The following CFAP161 variants were observed in gnomAD, a reference collection of about 807,000 sequenced individuals.
CFAP161 encodes the protein cilia- and flagella-associated protein 161.
CFAP161 carries 25 observed loss-of-function variants against 29.0 expected under a neutral mutation model. The observed-to-expected ratio is 0.86, with a 90% CI of 0.63 to 1.20. The LOEUF is 1.20. Ranked by LOEUF, CFAP161 falls within the 50% of genes most tolerant of loss-of-function variation. The pLI, the probability that CFAP161 is intolerant of heterozygous loss-of-function variation, is 0.00. For missense variants in CFAP161, 367 were observed against 371.9 expected (o/e 0.99, Z 0.11); for synonymous variants, 116 against 137.4 (o/e 0.84, Z 1.09).
At chr15:81,117,596 A>T (rs952401177) in intron 1 of CFAP161, 1 of 176,296 alleles carries the variant, frequency 5.7e-6, no homozygotes, top group African/African-American at 2.4e-5. Context: ...TAGTCCAAAC[A>T]ATACTGAACA....
chr15:81,122,968 T>C (rs1254252374), intron 1 of CFAP161, among the ~76,000 whole-genome samples: 3 of 152,136 alleles, frequency 2.0e-5, no homozygotes, highest in African/African-American at 7.2e-5. Context: ...GTTTGCAAAA[T>C]TTTTTCCCCA....
rs376596580 is a variant in CFAP161 at position 81,111,180 on chromosome 15, A to G, written c.-141-16410A>G. 5.9e-5 allele frequency among the ~76,000 whole-genome samples: 9 copies of G among 152,294 alleles called. No homozygotes were observed. In the East Asian group the frequency reaches 1.2e-3, roughly 20 times the overall value. On this transcript the variant is annotated intron_variant, in intron 1 of 4. Coordinates refer to the CFAP161 transcript ENST00000560091. The stretch of plus-strand genomic sequence containing the variant: ...GACCCTTCGGCAACACACCTTACAC[A>G]TGTAACTACTTGTTCAGAACAGTCT...
At chr15:81,104,883 C>T (rs983267741) in intron 1 of CFAP161, among the ~76,000 whole-genome samples, 6 of 151,888 alleles carry the variant, frequency 4.0e-5, no homozygotes, top group African/African-American at 1.5e-4. Flanking sequence ...AAGAAATTGC[C>T]ACAAACTTGG....
intron 1 of CFAP161, among the ~76,000 whole-genome samples, chr15:81,107,190 C>A (rs1191874386): frequency 6.6e-6 from 1 of 152,222 alleles, no homozygotes; most frequent in African/African-American, 2.4e-5. Flanking sequence ...TCAGACTTTT[C>A]ATAATAATAA....
At chr15:81,099,839 GT>G in intron 1 of CFAP161, among the ~76,000 whole-genome samples, 1 of 152,186 alleles carries the variant, frequency 6.6e-6, no homozygotes, top group African/African-American at 2.4e-5. Context: ...TTTTAAATCT[GT>G]TTTATTAGAC....
intron 4 of CFAP161, among the ~76,000 whole-genome samples, chr15:81,140,988 C>T (rs1894898596): frequency 6.6e-6 from 1 of 152,190 alleles, no homozygotes; most frequent in African/African-American, 2.4e-5. Context: ...GGCTAGTTGC[C>T]TCTCATTACA....
intron 4 of CFAP161, 74 bp downstream of exon 4, chr15:81,138,209 T>G: frequency 8.2e-7 from 1 of 1,220,046 alleles, no homozygotes; most frequent in Non-Finnish European, 1.2e-6. Flanking sequence ...AACTATCTAC[T>G]GAAGTGGACA....
chr15:81,135,228 A>AGT, intron 1 of CFAP161, 42 bp from the exon 2 acceptor site: 1 of 1,209,036 alleles, frequency 8.3e-7, no homozygotes, highest in Middle Eastern at 2.0e-4. Context: ...TAATACTAAC[A>AGT]TCTATATTAT....
At chr15:81,112,465 T>A (rs1894450260) in intron 1 of CFAP161, among the ~76,000 whole-genome samples, 1 of 152,186 alleles carries the variant, frequency 6.6e-6, no homozygotes, top group African/African-American at 2.4e-5. Flanking sequence ...ATAGAGCATG[T>A]TATATCTTTA....
chr15:81,114,133 G>A (rs1320114317), intron 1 of CFAP161, among the ~76,000 whole-genome samples: 1 of 152,084 alleles, frequency 6.6e-6, no homozygotes, highest in Non-Finnish European at 1.5e-5. Context: ...AATAGACAGA[G>A]CTGCTACAAC....
At chr15:81,137,597 G>T (rs976291909) in intron 3 of CFAP161, among the ~76,000 whole-genome samples, 2 of 152,082 alleles carry the variant, frequency 1.3e-5, no homozygotes, top group Non-Finnish European at 2.9e-5. Flanking sequence ...TATATAGACA[G>T]TTCTTCAAGT....
chr15:81,121,418 C>T (rs1894570893), intron 1 of CFAP161, among the ~76,000 whole-genome samples: 2 of 151,956 alleles, frequency 1.3e-5, no homozygotes, highest in Non-Finnish European at 2.9e-5. Context: ...TATTTTAAAA[C>T]AACCTTCAAA....
upstream of CFAP161, among the ~76,000 whole-genome samples, chr15:81,132,064 G>T (rs1308254760): frequency 1.3e-5 from 2 of 152,136 alleles, no homozygotes; most frequent in Admixed American, 6.6e-5. Context: ...ATCACTTGAG[G>T]TCAGGAGTTC....
chr15:81,100,699 TCTCTC>T (rs781349356), intron 1 of CFAP161, among the ~76,000 whole-genome samples: 46 of 98,434 alleles, frequency 4.7e-4, no homozygotes, highest in African/African-American at 7.5e-4. Flanking sequence ...TTCCTCTCTC[TCTCTC>T]TTTTTTTTTT....
intron 1 of CFAP161, among the ~76,000 whole-genome samples, chr15:81,101,447 A>G (rs1415329755): frequency 7.0e-6 from 1 of 142,984 alleles, no homozygotes; most frequent in Non-Finnish European, 1.5e-5. Context: ...TAATCACTTG[A>G]ACCCGGGAGG....
intron 4 of CFAP161, among the ~76,000 whole-genome samples, chr15:81,138,866 A>T (rs1299664997): frequency 6.6e-6 from 1 of 152,186 alleles, no homozygotes; most frequent in Non-Finnish European, 1.5e-5. Context: ...AGGCACCAAG[A>T]GGTTAAGTGA....
At chr15:81,134,190 G>C (rs764605965), upstream of CFAP161, 27 of 1,007,422 alleles carry the variant, frequency 2.7e-5, no homozygotes, top group Admixed American at 1.0e-4. Flanking sequence ...TCCCGCCCCA[G>C]GGCGAGGGTG....
intron 6 of CFAP161, 108 bp from the exon 7 acceptor site, chr15:81,148,230 T>C (rs996493954): frequency 8.9e-7 from 1 of 1,129,940 alleles, no homozygotes; most frequent in African/African-American, 1.6e-5. Context: ...CCTAGGGCTT[T>C]ATCTAGCAAT....
chr15:81,114,207 G>T (rs1894469755), intron 1 of CFAP161, among the ~76,000 whole-genome samples: 1 of 152,122 alleles, frequency 6.6e-6, no homozygotes, highest in Non-Finnish European at 1.5e-5. Flanking sequence ...AGCATATATT[G>T]CATTAAAGTG....
Sources: allele counts gnomAD v4.1 joint callset (sites outside exome capture counted in the v4.1 genomes callset), GRCh38; gene constraint gnomAD v4.1.1; transcripts MANE v1.5; gene names NCBI Gene and HGNC (gene_info 2026-07-23, HGNC 2026-07-21).